Variants in ZDHHC15 observed in about 807,000 individuals in gnomAD.
The protein encoded by ZDHHC15 is palmitoyltransferase ZDHHC15.
A neutral mutation model predicts 31.7 loss-of-function variants in ZDHHC15; 19 were observed. That is an observed-to-expected ratio of 0.60 (90% CI 0.42 to 0.88). ZDHHC15 has a LOEUF of 0.88. Among genes scored for constraint, ZDHHC15 ranks in the 40% least tolerant of loss-of-function variants. The probability of loss-of-function intolerance (pLI) is 0.00; values close to 1 mark genes in which losing one functional copy is unlikely to be tolerated. For missense variants in ZDHHC15, 209 were observed against 251.2 expected (o/e 0.83, Z 1.14); for synonymous variants, 103 against 90.0 (o/e 1.14, Z -0.82).
chrX:75,518,993 A>AT (rs2085408092), intron 1 of ZDHHC15, among the ~76,000 whole-genome samples: 1 of 108,357 alleles, frequency 9.2e-6, no homozygotes, highest in Non-Finnish European at 1.9e-5. Flanking sequence ...AACATCCATA[A>AT]TAGGTAAATC....
chrX:75,505,870 GAGAC>G (rs769365939), intron 1 of ZDHHC15, 23 bp from the exon 2 acceptor site: 52 of 1,159,935 alleles, frequency 4.5e-5, no homozygotes, highest in Middle Eastern at 2.4e-4. Flanking sequence ...AGGAGAAAGA[GAGAC>G]AGACAGACAG....
At chrX:75,502,481 T>C (rs1047396771) in intron 2 of ZDHHC15, among the ~76,000 whole-genome samples, 1 of 112,148 alleles carries the variant, frequency 8.9e-6, no homozygotes, top group East Asian at 2.8e-4. Context: ...ATTACAACCA[T>C]TTTATGAATG....
intron 2 of ZDHHC15, among the ~76,000 whole-genome samples, chrX:75,480,403 C>A (rs1027505116): frequency 7.2e-5 from 8 of 111,285 alleles, no homozygotes; most frequent in Admixed American, 1.9e-4. Flanking sequence ...AACATATGTA[C>A]ACCACAAACA....
At chrX:75,488,891 C>A (rs2084821685) in intron 2 of ZDHHC15, among the ~76,000 whole-genome samples, 1 of 112,172 alleles carries the variant, frequency 8.9e-6, no homozygotes, top group Non-Finnish European at 1.9e-5. Context: ...AATCGGGTCA[C>A]TCCCACCCTA....
chrX:75,485,079 G>A (rs1345342936), intron 2 of ZDHHC15, among the ~76,000 whole-genome samples: 2 of 111,316 alleles, frequency 1.8e-5, no homozygotes, highest in Non-Finnish European at 3.8e-5. Context: ...TCTTGTGAAT[G>A]GGGTAAAGGG....
At chrX:75,396,646 C>A (rs951971062) in intron 10 of ZDHHC15, among the ~76,000 whole-genome samples, 4 of 111,588 alleles carry the variant, frequency 3.6e-5, no homozygotes, top group Non-Finnish European at 5.6e-5. Flanking sequence ...TAGTTATATA[C>A]TGAAGAGAAA....
chrX:75,380,746 C>T (rs932057929), intron 10 of ZDHHC15, among the ~76,000 whole-genome samples: 3 of 111,349 alleles, frequency 2.7e-5, no homozygotes, highest in Admixed American at 1.9e-4. Flanking sequence ...CCATCTGCAC[C>T]TATACTCCTT....
intron 4 of ZDHHC15, among the ~76,000 whole-genome samples, chrX:75,441,189 C>T (rs1375063416): frequency 8.9e-6 from 1 of 111,965 alleles, no homozygotes; most frequent in Non-Finnish European, 1.9e-5. Context: ...ATTCATCTCC[C>T]TGGATTCTGC....
chrX:75,495,216 C>A (rs149504587), intron 2 of ZDHHC15, among the ~76,000 whole-genome samples: 1 of 112,011 alleles, frequency 8.9e-6, no homozygotes, highest in East Asian at 2.8e-4. Flanking sequence ...AAATGCAAAT[C>A]AAAACCACAA....
At position 75,370,558 on chromosome X, in the gene ZDHHC15, T is replaced by G. The variant is rs768191977; in HGVS notation, c.*2420A>C. ...TTTTTTTTTTTTTTTTGAGACAGAGTTTCACTCTTATTGCCCAGGCCGGAG... is the reference window on the plus strand; with the variant it reads ...TTTTTTTTTTTTTTTTGAGACAGAGGTTCACTCTTATTGCCCAGGCCGGAG... On this transcript the variant is annotated 3_prime_UTR_variant, in exon 12 of 12. Transcript: ENST00000373367. 2.0e-5 allele frequency: 2 copies of G among 97,652 alleles called. No individual in the cohort carries two copies. The highest frequency in any genetic ancestry group is 4.0e-5 in the Non-Finnish European group (2 of 49,799). The allele number at this position is 97,652 out of a possible 1,213,427, so 8.0% of individuals were successfully genotyped here.
chrX:75,372,068 C>A lies in ZDHHC15; in HGVS notation c.*910G>T, dbSNP rs1258920623. 1 of 111,757 alleles carries A rather than the reference C, an allele frequency of 8.9e-6. No homozygotes were observed. The highest frequency in any genetic ancestry group is 1.9e-5 in the Non-Finnish European group (1 of 53,143). 9.2% of individuals were successfully genotyped at this position (111,757 alleles called of 1,213,427 possible). On this transcript the variant is annotated 3_prime_UTR_variant, in exon 12 of 12. Coordinates refer to ENST00000373367, the MANE Select transcript of ZDHHC15 (RefSeq NM_144969.3). ...TGAAAATCACTCTGAAAACCCTTAA[C>A]AAAACCTATGGGCCATAACTTAGGC...
intron 1 of ZDHHC15, among the ~76,000 whole-genome samples, chrX:75,514,921 C>T (rs1405115459): frequency 8.9e-6 from 1 of 111,893 alleles, no homozygotes; most frequent in Non-Finnish European, 1.9e-5. Flanking sequence ...GAAATACAAA[C>T]TACCTTCAGA....
chrX:75,437,043 G>C (rs1285118084), intron 4 of ZDHHC15, among the ~76,000 whole-genome samples: 1 of 109,940 alleles, frequency 9.1e-6, no homozygotes, highest in Non-Finnish European at 1.9e-5. Flanking sequence ...CACCATGCCC[G>C]GCTAATTTTT....
intron 2 of ZDHHC15, among the ~76,000 whole-genome samples, chrX:75,500,868 T>A (rs1201463814): frequency 9.1e-6 from 1 of 110,402 alleles, no homozygotes; most frequent in Non-Finnish European, 1.9e-5. Context: ...GACGTTTTAC[T>A]CTCAGTGCCC....
intron 10 of ZDHHC15, among the ~76,000 whole-genome samples, chrX:75,380,680 C>T (rs1025508624): frequency 1.8e-5 from 2 of 111,209 alleles, no homozygotes; most frequent in Non-Finnish European, 3.8e-5. Flanking sequence ...AAATCAGGCT[C>T]TGGGTAATAG....
chrX:75,437,923 A>G (rs376237260), intron 4 of ZDHHC15, among the ~76,000 whole-genome samples: 307 of 110,881 alleles, frequency 2.8e-3, no homozygotes, highest in Non-Finnish European at 5.1e-3. Flanking sequence ...AACTCAAACA[A>G]ATTTACAAGA....
chrX:75,440,975 C>T (rs1410913870), intron 4 of ZDHHC15, among the ~76,000 whole-genome samples: 1 of 111,504 alleles, frequency 9.0e-6, no homozygotes, highest in Non-Finnish European at 1.9e-5. Flanking sequence ...CAGTGACAGG[C>T]CTCACCCAAC....
chrX:75,425,091 C>T (rs1415829407), intron 7 of ZDHHC15, among the ~76,000 whole-genome samples: 1 of 110,744 alleles, frequency 9.0e-6, no homozygotes, highest in African/African-American at 3.3e-5. Context: ...TGGTATGCAA[C>T]CGCTTACAGC....
At chrX:75,455,985 C>A (rs1465553450) in intron 3 of ZDHHC15, among the ~76,000 whole-genome samples, 1 of 111,343 alleles carries the variant, frequency 9.0e-6, no homozygotes, top group Non-Finnish European at 1.9e-5. Flanking sequence ...GCATTTGACC[C>A]AGCCATCCCA....
Sources: allele counts gnomAD v4.1 joint callset (sites outside exome capture counted in the v4.1 genomes callset), GRCh38; gene constraint gnomAD v4.1.1; transcripts MANE v1.5; gene names NCBI Gene and HGNC (gene_info 2026-07-23, HGNC 2026-07-21).